The following ARHGEF10L variants were observed in gnomAD, a reference collection of about 807,000 sequenced individuals.
The protein encoded by ARHGEF10L is rho guanine nucleotide exchange factor 10-like protein.
ARHGEF10L carries 69 observed loss-of-function variants against 141.2 expected under a neutral mutation model. The observed-to-expected ratio is 0.49, with a 90% CI of 0.40 to 0.60. The LOEUF (loss-of-function observed/expected upper bound fraction) is 0.60. Ranked by LOEUF, ARHGEF10L falls within the 20% of genes least tolerant of loss-of-function variation. ARHGEF10L has a pLI of 0.00. For missense variants in ARHGEF10L, 1,482 were observed against 1,734.3 expected (o/e 0.85, Z 2.58); for synonymous variants, 711 against 718.5 (o/e 0.99, Z 0.17).
intron 4 of ARHGEF10L, among the ~76,000 whole-genome samples, chr1:17,594,424 A>G (rs541519323): frequency 6.6e-6 from 1 of 152,010 alleles, no homozygotes; most frequent in Non-Finnish European, 1.5e-5. Flanking sequence ...CCTGCCCTAC[A>G]TGTTAGCTGC....
chr1:17,616,826 G>A (rs1355792349), intron 9 of ARHGEF10L, among the ~76,000 whole-genome samples: 2 of 152,224 alleles, frequency 1.3e-5, no homozygotes, highest in African/African-American at 4.8e-5. Flanking sequence ...CGGAGTGGGT[G>A]CTCTGGGAAG....
chr1:17,533,144 G>A, the ARHGEF10L span, among the ~76,000 whole-genome samples: 1 of 152,312 alleles, frequency 6.6e-6, no homozygotes, highest in East Asian at 1.9e-4. Flanking sequence ...TGCTGAGTAA[G>A]AACAGGTCTT....
chr1:17,584,412 C>T (rs1356478622), intron 2 of ARHGEF10L, among the ~76,000 whole-genome samples: 3 of 152,026 alleles, frequency 2.0e-5, no homozygotes, highest in Non-Finnish European at 2.9e-5. Flanking sequence ...TTATCACGTG[C>T]CTCCTGTATG....
In ARHGEF10L at chr1:17,686,025, C is replaced by T. The variant is rs577003540; in HGVS notation, c.3010-1548C>T. On this transcript the variant is annotated intron_variant, in intron 26 of 28. Coordinates refer to ENST00000361221, the MANE Select transcript of ARHGEF10L (RefSeq NM_018125.4). The stretch of plus-strand genomic sequence containing the variant: ...TAAGCCTCAGGGTGCAGCTCTTCCT[C>T]CCCTGTCCCGCTTCTTCCCCCAGCT... Among the ~76,000 whole-genome samples the T allele has an allele frequency of 5.9e-4, 90 of 152,316 alleles. 2 individuals are homozygous for T. The South Asian group carries it at 7.1e-3, about 12-fold the overall frequency.
At chr1:17,666,383 G>A (rs1479649759) in intron 26 of ARHGEF10L, among the ~76,000 whole-genome samples, 1 of 152,078 alleles carries the variant, frequency 6.6e-6, no homozygotes, top group Non-Finnish European at 1.5e-5. Flanking sequence ...TAGACAGAAG[G>A]GAGAGGCAGT....
At chr1:17,599,942 A>G (rs2080479598) in intron 4 of ARHGEF10L, among the ~76,000 whole-genome samples, 2 of 152,226 alleles carry the variant, frequency 1.3e-5, no homozygotes, top group Non-Finnish European at 2.9e-5. Flanking sequence ...CAAGTGCTCA[A>G]TAGCCACGTG....
chr1:17,657,563 G>A (rs1432578798), intron 25 of ARHGEF10L, among the ~76,000 whole-genome samples: 3 of 152,004 alleles, frequency 2.0e-5, no homozygotes, highest in Admixed American at 6.5e-5. Flanking sequence ...TGATTGCCGC[G>A]TCATCACAGC....
intron 1 of ARHGEF10L, among the ~76,000 whole-genome samples, chr1:17,562,372 G>A (rs1179756009): frequency 6.6e-6 from 1 of 151,998 alleles, no homozygotes; most frequent in Non-Finnish European, 1.5e-5. Flanking sequence ...AACCATAATA[G>A]TGCCACTGCA....
chr1:17,601,130 T>C (rs1345756285), intron 4 of ARHGEF10L, among the ~76,000 whole-genome samples: 1 of 151,662 alleles, frequency 6.6e-6, no homozygotes, highest in Non-Finnish European at 1.5e-5. Flanking sequence ...AGGTATTCGG[T>C]ACAATGTTCC....
chr1:17,683,115 C>CT (rs2064256514), intron 26 of ARHGEF10L, among the ~76,000 whole-genome samples: 3 of 146,758 alleles, frequency 2.0e-5, no homozygotes, highest in Admixed American at 6.7e-5. Context: ...CTGCTCTCAC[C>CT]GGGGTGCTCA....
chr1:17,636,599 G>T (rs992430890), intron 18 of ARHGEF10L, among the ~76,000 whole-genome samples: 3 of 152,088 alleles, frequency 2.0e-5, no homozygotes, highest in Admixed American at 2.0e-4. Context: ...CATTTCCCAT[G>T]AGCTCCCCAG....
At chr1:17,647,988 G>A (rs985924734) in intron 21 of ARHGEF10L, among the ~76,000 whole-genome samples, 5 of 152,074 alleles carry the variant, frequency 3.3e-5, no homozygotes, top group African/African-American at 4.8e-5. Context: ...GGAGGCAGGC[G>A]GCTTCCTAAT....
In ARHGEF10L at chr1:17,696,991, C is replaced by A; in HGVS notation, c.3451C>A (p.Gln1151Lys). ...GGCTGAGGAGGACAAGCCAGACGGG[C>A]AGGCACACGAGCCCATGCCCGATAG... is the stretch of plus-strand genomic sequence containing the variant. Reference protein sequence around the residue: ...PRAEEDKPDGQAHEPMPDSHV... With the variant: ...PRAEEDKPDGKAHEPMPDSHV... Residue 1151 changes from glutamine (Q) to lysine (K), a missense_variant, in exon 29 of 29, where the codon CAG (glutamine) becomes AAG (lysine). Transcript: ENST00000361221. 1 of 1,610,220 alleles carries A rather than the reference C, an allele frequency of 6.2e-7. No individual in the cohort carries two copies. Among genetic ancestry groups the A allele is most frequent in the Non-Finnish European group, 8.5e-7 (1 of 1,178,308 alleles).
chr1:17,646,006 C>A (rs1467139721), intron 21 of ARHGEF10L, among the ~76,000 whole-genome samples: 1 of 152,184 alleles, frequency 6.6e-6, no homozygotes, highest in African/African-American at 2.4e-5. Context: ...TCAGGTCTTA[C>A]ATGACTCTGT....
intron 21 of ARHGEF10L, among the ~76,000 whole-genome samples, chr1:17,642,473 T>C (rs1418691353): frequency 6.6e-6 from 1 of 152,150 alleles, no homozygotes; most frequent in Non-Finnish European, 1.5e-5. Flanking sequence ...CATTATAGCA[T>C]TGAGAGCTGG....
chr1:17,674,575 C>T (rs1453632306), intron 26 of ARHGEF10L, among the ~76,000 whole-genome samples: 2 of 152,172 alleles, frequency 1.3e-5, no homozygotes, highest in African/African-American at 4.8e-5. Flanking sequence ...GTGGGCCAGG[C>T]TCTCTGGAGG....
chr1:17,639,926 A>C lies in ARHGEF10L; in HGVS notation c.2172-276A>C. The C allele has an allele frequency of 6.8e-7, 1 of 1,465,856 alleles. No individual in the cohort carries two copies. The highest frequency in any genetic ancestry group is 1.2e-5 in the South Asian group (1 of 82,528). 90.8% of individuals were successfully genotyped at this position (1,465,856 alleles called of 1,614,324 possible). ...AGCCTGCAGAGGCTCTGCCGGGCACAAAGCCAGAGGCTCCTGGAGCCAGGC... is the reference window on the plus strand; with the variant it reads ...AGCCTGCAGAGGCTCTGCCGGGCACCAAGCCAGAGGCTCCTGGAGCCAGGC... On this transcript the variant is annotated intron_variant, in intron 20 of 28. Transcript: ENST00000361221. The surrounding 1 kb of genome is among the most constrained non-coding windows in gnomAD (Gnocchi z 4.3).
intron 25 of ARHGEF10L, among the ~76,000 whole-genome samples, chr1:17,661,183 T>C (rs911527926): frequency 3.3e-5 from 5 of 152,110 alleles, no homozygotes; most frequent in African/African-American, 9.7e-5. Flanking sequence ...GTTCAAGTGA[T>C]TCTCCTGCCT....
intron 20 of ARHGEF10L, 49 bp downstream of exon 20, chr1:17,638,738 C>T (rs1219170321): frequency 1.2e-6 from 2 of 1,609,116 alleles, no homozygotes; most frequent in Non-Finnish European, 1.7e-6. Flanking sequence ...TGCTGGGCTT[C>T]CAGTGGAGCA....
Sources: gnomAD v4.1 joint callset for allele counts (sites outside exome capture counted in the v4.1 genomes callset) on GRCh38, gnomAD v4.1.1 for gene constraint, Gnocchi (gnomAD v3.1) non-coding constraint, MANE v1.5 for transcripts, NCBI Gene and HGNC (gene_info 2026-07-23, HGNC 2026-07-21) for gene names.